The following KCNJ3 variants were observed in gnomAD, a reference collection of about 807,000 sequenced individuals.
KCNJ3 encodes the protein G protein-activated inward rectifier potassium channel 1.
In KCNJ3, 4 loss-of-function variants were observed where a neutral mutation model predicts 39.2. The observed-to-expected ratio is 0.10, with a 90% CI of 0.05 to 0.23. KCNJ3 has a LOEUF of 0.23. Among genes scored for constraint, KCNJ3 ranks in the 10% least tolerant of loss-of-function variants. The pLI is 1.00. For missense variants in KCNJ3, 276 were observed against 634.9 expected (o/e 0.43, Z 6.08); for synonymous variants, 230 against 237.4 (o/e 0.97, Z 0.29).
chr2:154,752,916 C>T (rs1055038052), intron 2 of KCNJ3, among the ~76,000 whole-genome samples: 11 of 151,974 alleles, frequency 7.2e-5, no homozygotes, highest in Middle Eastern at 3.4e-3. Context: ...TGAAACAAAA[C>T]AATTATGTCT....
intron 2 of KCNJ3, among the ~76,000 whole-genome samples, chr2:154,792,871 G>A (rs969504917): frequency 3.9e-5 from 6 of 152,020 alleles, no homozygotes; most frequent in Admixed American, 6.6e-5. Flanking sequence ...AAGTTGTCTC[G>A]TGATTATAAA....
intron 2 of KCNJ3, among the ~76,000 whole-genome samples, chr2:154,739,433 G>A (rs1418725110): frequency 6.6e-6 from 1 of 152,018 alleles, no homozygotes; most frequent in African/African-American, 2.4e-5. Flanking sequence ...CATGAGTGAT[G>A]AGTTGGTGCT....
rs904120724 is a variant in KCNJ3 at position 154,855,345 on chromosome 2, T to C, written c.*32T>C. ...ACTCCCTTAGGCATTATTTAATGTT[T>C]GATTTAGTAATAGTCCAATATTTGG... On this transcript the variant is annotated 3_prime_UTR_variant, in exon 3 of 3. Transcript: ENST00000295101. The C allele has an allele frequency of 1.4e-6, 2 of 1,405,144 alleles. No homozygotes were observed. Among genetic ancestry groups the C allele is most frequent in the Non-Finnish European group, 1.9e-6 (2 of 1,031,194 alleles). 87.0% of individuals were successfully genotyped at this position (1,405,144 alleles called of 1,614,324 possible). A position where few individuals can be genotyped will look rare whatever the true frequency, so the allele number is the denominator to read the frequency against.
chr2:154,829,362 T>A (rs1325203440), intron 2 of KCNJ3, among the ~76,000 whole-genome samples: 1 of 152,190 alleles, frequency 6.6e-6, no homozygotes, highest in African/African-American at 2.4e-5. Flanking sequence ...CTCCCACATA[T>A]AAGTGAGAAC....
rs1468928730 is a variant in KCNJ3, at chr2:154,857,723, A to C, written c.*2410A>C. ...TGGTGAAAACCCGTCTCTACTAAAA[A>C]TACAAAAATTAACTGGGCATGGTGG... On this transcript the variant is annotated 3_prime_UTR_variant, in exon 3 of 3. Transcript: ENST00000295101. 1 of 151,770 alleles carries C rather than the reference A, an allele frequency of 6.6e-6. No individual in the cohort carries two copies. The highest frequency in any genetic ancestry group is 2.4e-5 in the African/African-American group (1 of 41,234). The allele number at this position is 151,770 out of a possible 1,614,324, so 9.4% of individuals were successfully genotyped here.
rs1687859015 is a variant in KCNJ3 at position 154,857,526 on chromosome 2, A to T, written c.*2213A>T. The T allele has an allele frequency of 6.6e-6, 1 of 152,112 alleles. No individual in the cohort carries two copies. The allele number at this position is 152,112 out of a possible 1,614,324, so 9.4% of individuals were successfully genotyped here. On this transcript the variant is annotated 3_prime_UTR_variant, in exon 3 of 3. Transcript: ENST00000295101. ...ACCATGAACACTGTATACCAGAAGG[A>T]GAGTGGGGAGGAGACAAAAAACAAA...
intron 2 of KCNJ3, among the ~76,000 whole-genome samples, chr2:154,747,853 A>G (rs1218320517): frequency 6.6e-6 from 1 of 151,970 alleles, no homozygotes; most frequent in Non-Finnish European, 1.5e-5. Context: ...GGTTTGGGGA[A>G]ATAAGGTGGA....
At chr2:154,853,120 A>G (rs1206957403) in intron 2 of KCNJ3, among the ~76,000 whole-genome samples, 11 of 151,830 alleles carry the variant, frequency 7.2e-5, no homozygotes, top group Non-Finnish European at 1.6e-4. Flanking sequence ...TCTTCTCAAC[A>G]GGACCATATT....
intron 2 of KCNJ3, among the ~76,000 whole-genome samples, chr2:154,714,866 A>G (rs906317789): frequency 3.9e-5 from 6 of 152,224 alleles, no homozygotes; most frequent in Admixed American, 2.6e-4. Context: ...TGGGATACAG[A>G]CAATAAACAT....
chr2:154,829,620 A>G (rs1372862578), intron 2 of KCNJ3, among the ~76,000 whole-genome samples: 1 of 152,142 alleles, frequency 6.6e-6, no homozygotes, highest in East Asian at 1.9e-4. Flanking sequence ...TGGTTGAATG[A>G]TTTATATTCT....
At chr2:154,846,091 G>C (rs938437159) in intron 2 of KCNJ3, among the ~76,000 whole-genome samples, 7 of 152,156 alleles carry the variant, frequency 4.6e-5, no homozygotes, top group African/African-American at 1.7e-4. Flanking sequence ...TTATATTTTT[G>C]AGAAAGTAGT....
rs1221316834 is a variant in KCNJ3 at position 154,857,325 on chromosome 2, A to ATTTAC, written c.*2016_*2020dup. 1 of 152,162 alleles carries ATTTAC rather than the reference A, an allele frequency of 6.6e-6. No individual in the cohort carries two copies. The highest frequency in any genetic ancestry group is 1.9e-4 in the East Asian group (1 of 5,170). 9.4% of individuals were successfully genotyped at this position (152,162 alleles called of 1,614,324 possible). A position where few individuals can be genotyped will look rare whatever the true frequency, so the allele number is the denominator to read the frequency against. ...GAACTTAAAACTAAATAGAGCCATAATTTACTTTGGAGAGTCATTTTAATT... is the reference window on the plus strand; with the variant it reads ...GAACTTAAAACTAAATAGAGCCATAATTTACTTTACTTTGGAGAGTCATTTTAATT... On this transcript the variant is annotated 3_prime_UTR_variant, in exon 3 of 3. Coordinates refer to ENST00000295101, the MANE Select transcript of KCNJ3 (RefSeq NM_002239.4).
chr2:154,749,310 C>G (rs1035461446), intron 2 of KCNJ3, among the ~76,000 whole-genome samples: 1 of 152,040 alleles, frequency 6.6e-6, no homozygotes, highest in South Asian at 2.1e-4. Context: ...TTATAGCAGG[C>G]TCATCTACAT....
intron 2 of KCNJ3, among the ~76,000 whole-genome samples, chr2:154,772,181 A>G (rs1053465946): frequency 1.3e-5 from 2 of 152,186 alleles, no homozygotes; most frequent in Admixed American, 6.5e-5. Flanking sequence ...TGTAATGACA[A>G]TTTGAATTTA....
chr2:154,709,527 G>T, intron 1 of KCNJ3, 76 bp from the exon 2 acceptor site: 1 of 1,421,812 alleles, frequency 7.0e-7, no homozygotes, highest in East Asian at 2.3e-5. Context: ...TGGCAATGAT[G>T]TAAATTACTG....
rs780801298 is a variant in KCNJ3 at position 154,698,858 on chromosome 2, G to T, written c.83G>T (p.Gly28Val). ...SSSGSGLQPQ[G>V]PGQDPQQQLV... ...AGCGGCTCGGGCTTGCAGCCCCAGG[G>T]GCCAGGCCAGGACCCTCAGCAGCAG... Residue 28 changes from glycine to valine, a missense_variant, in exon 1 of 3, where the codon GGG becomes GTG. Physicochemically the swap from Gly to Val is moderately radical, Grantham distance 109. Coordinates refer to ENST00000295101, the MANE Select transcript of KCNJ3 (RefSeq NM_002239.4). 1.2e-6 allele frequency: 2 copies of T among 1,614,082 alleles called. No individual in the cohort carries two copies. The highest frequency in any genetic ancestry group is 1.7e-5 in the Admixed American group (1 of 60,014).
intron 2 of KCNJ3, among the ~76,000 whole-genome samples, chr2:154,800,451 C>T (rs554998355): frequency 6.6e-6 from 1 of 152,302 alleles, no homozygotes; most frequent in Admixed American, 6.5e-5. Context: ...GCACTCCATT[C>T]TCTTTCTCCC....
At chr2:154,738,587 ATAAAAAT>A (rs1051686749) in intron 2 of KCNJ3, among the ~76,000 whole-genome samples, 2 of 152,098 alleles carry the variant, frequency 1.3e-5, no homozygotes, top group South Asian at 4.1e-4. Flanking sequence ...ACTACAAAAA[ATAAAAAT>A]TAAAAATTAA....
At chr2:154,850,023 T>A (rs895581422) in intron 2 of KCNJ3, among the ~76,000 whole-genome samples, 2 of 124,632 alleles carry the variant, frequency 1.6e-5, no homozygotes, top group African/African-American at 6.4e-5. Context: ...TTTTTTTTTT[T>A]TTTTTTTTTT....
Sources: gnomAD v4.1 joint callset for allele counts (sites outside exome capture counted in the v4.1 genomes callset) on GRCh38, gnomAD v4.1.1 for gene constraint, MANE v1.5 for transcripts, NCBI Gene and HGNC (gene_info 2026-07-23, HGNC 2026-07-21) for gene names.